The following XIST variants were observed in gnomAD, a reference collection of about 807,000 sequenced individuals.
XIST encodes the protein X inactive specific transcript.
exon 1 of XIST, chrX:73,851,202 A>C: frequency 1.8e-6 from 1 of 559,416 alleles, no homozygotes. Flanking sequence ...TAGGCGGCAA[A>C]ACCCGCCATC....
chrX:73,849,390 T>C (rs1274440837), exon 1 of XIST: 3 of 557,351 alleles, frequency 5.4e-6, no homozygotes, highest in Non-Finnish European at 9.7e-6. Context: ...GTAGGATTAT[T>C]GGCAATTAGA....
chrX:73,851,206 C>G, exon 1 of XIST: 1 of 559,557 alleles, frequency 1.8e-6, no homozygotes, highest in Non-Finnish European at 3.2e-6. Flanking sequence ...CGGCAAAACC[C>G]GCCATCTTTA....
chrX:73,838,661 A>C (rs981737687), intron 1 of XIST, among the ~76,000 whole-genome samples: 3 of 111,447 alleles, frequency 2.7e-5, no homozygotes, highest in Admixed American at 9.6e-5. Context: ...TAAGTCACCA[A>C]CAAAAACATG....
chrX:73,822,596 A>AT (rs749665925), exon 6 of XIST: 10 of 509,631 alleles, frequency 2.0e-5, no homozygotes, highest in East Asian at 3.6e-5. Flanking sequence ...TTTCGTCATG[A>AT]TTTTTTTTGT....
chrX:73,825,399 C>T (rs745824959), exon 6 of XIST: 3 of 556,975 alleles, frequency 5.4e-6, no homozygotes, highest in East Asian at 6.5e-5. Context: ...ACGCTTATCA[C>T]AGTAGAATAC....
At position 73,844,977 on chromosome X, in the gene XIST, C is replaced by T. The variant is rs370162739; in HGVS notation, n.7747G>A. 1.8e-5 allele frequency: 10 copies of T among 548,145 alleles called. No individual in the cohort carries two copies. In the African/African-American group the frequency reaches 2.4e-4, roughly 13 times the overall value. 45.2% of individuals were successfully genotyped at this position (548,145 alleles called of 1,213,427 possible). On this transcript the variant is annotated non_coding_transcript_exon_variant, in exon 1 of 6. Coordinates refer to ENST00000429829, the Ensembl canonical transcript of XIST. ...GGCTTCCATGTCTTATACACTGGAA[C>T]CCAGACAAATATAATCACATACGTT...
exon 1 of XIST, chrX:73,843,870 T>TACA (rs1922663856): frequency 1.8e-6 from 1 of 556,852 alleles, no homozygotes; most frequent in African/African-American, 2.2e-5. Context: ...CCTGTTGTAC[T>TACA]ACAAAGGAAA....
At chrX:73,839,100 T>C (rs906260752) in intron 1 of XIST, among the ~76,000 whole-genome samples, 1 of 111,695 alleles carries the variant, frequency 9.0e-6, no homozygotes, top group African/African-American at 3.2e-5. Flanking sequence ...TCTTAATTCA[T>C]TACTTTAAGA....
At chrX:73,827,710 G>A (rs773145037) in exon 6 of XIST, 14 of 547,375 alleles carry the variant, frequency 2.6e-5, no homozygotes, top group Non-Finnish European at 4.6e-5. Flanking sequence ...ACAAGAAAAG[G>A]ACAAAAAGCA....
chrX:73,836,236 G>A (rs1791334468), intron 2 of XIST, among the ~76,000 whole-genome samples: 1 of 112,016 alleles, frequency 8.9e-6, no homozygotes, highest in Non-Finnish European at 1.9e-5. Flanking sequence ...GTCAAAATGT[G>A]GATTGAAGTA....
rs200290800 is a variant in XIST, at chrX:73,852,010, GA to G, written n.713del. 8.5e-4 allele frequency: 382 copies of G among 448,116 alleles called. 1 individual carries two copies. Among genetic ancestry groups the G allele is most frequent in the South Asian group, 2.9e-3 (99 of 33,590 alleles). 36.9% of individuals were successfully genotyped at this position (448,116 alleles called of 1,213,427 possible). On this transcript the variant is annotated non_coding_transcript_exon_variant, in exon 1 of 6. Transcript: ENST00000429829. ...TCCATAAAAAGCACCGATGGGCGAT[GA>G]AAAAAAAAAATCAAAGCAGGTATCC...
At chrX:73,831,484 C>T (rs1265081556) in intron 3 of XIST, 6 of 309,846 alleles carry the variant, frequency 1.9e-5, no homozygotes, top group African/African-American at 1.1e-4. Context: ...CAGCTCTATT[C>T]TGTATGCTTT....
chrX:73,842,140 G>A (rs754135464), exon 1 of XIST: 2 of 519,687 alleles, frequency 3.8e-6, no homozygotes, highest in Admixed American at 5.1e-5. Flanking sequence ...AGGTTATCGA[G>A]TCCACCCTAC....
At chrX:73,842,232 C>T (rs1922610348) in exon 1 of XIST, 4 of 523,186 alleles carry the variant, frequency 7.6e-6, no homozygotes, top group Non-Finnish European at 1.0e-5. Flanking sequence ...TGGCACTTTA[C>T]AATAACAATA....
At chrX:73,845,173 A>C in exon 1 of XIST, 1 of 556,771 alleles carries the variant, frequency 1.8e-6, no homozygotes. Context: ...GTCCAAATGT[A>C]AGGGTCTTAT....
intron 3 of XIST, among the ~76,000 whole-genome samples, chrX:73,831,579 G>T (rs141658505): frequency 9.0e-6 from 1 of 111,488 alleles, no homozygotes; most frequent in African/African-American, 3.3e-5. Context: ...ATTACTGAGC[G>T]ATCCTCTACA....
At chrX:73,843,635 G>A in exon 1 of XIST, 1 of 558,615 alleles carries the variant, frequency 1.8e-6, no homozygotes, top group Non-Finnish European at 3.2e-6. Flanking sequence ...GGGGCACTTA[G>A]TGAATATCAT....
rs772039226 is a variant in XIST at position 73,842,461 on chromosome X, G to A, written n.10263C>T. 2.7e-5 allele frequency: 15 copies of A among 550,100 alleles called. No individual in the cohort carries two copies. In the South Asian group the frequency reaches 3.4e-4, roughly 13 times the overall value. The allele number at this position is 550,100 out of a possible 1,213,427, so 45.3% of individuals were successfully genotyped here. On this transcript the variant is annotated non_coding_transcript_exon_variant, in exon 1 of 6. Transcript: ENST00000429829. Reference sequence around the variant, plus strand: ...TGGGCAAGAATGGTTCTTGTCCCCAGAATCTGACAATAATTGAAACTAGGA... The same window carrying A: ...TGGGCAAGAATGGTTCTTGTCCCCAAAATCTGACAATAATTGAAACTAGGA...
exon 1 of XIST, chrX:73,843,553 T>C (rs1314934529): frequency 1.3e-5 from 7 of 557,175 alleles, no homozygotes; most frequent in African/African-American, 6.7e-5. Flanking sequence ...GCAAGGGGAA[T>C]ATGTGGAGAT....
Sources: gnomAD v4.1 joint callset for allele counts (sites outside exome capture counted in the v4.1 genomes callset) on GRCh38, gnomAD v4.1.1 for gene constraint, MANE v1.5 for transcripts, NCBI Gene and HGNC (gene_info 2026-07-23, HGNC 2026-07-21) for gene names.